Variants in TNRC6B observed in about 807,000 individuals in gnomAD.
TNRC6B encodes the protein trinucleotide repeat containing adaptor 6B.
In TNRC6B, 52 loss-of-function variants were observed where a neutral mutation model predicts 203.6. That is an observed-to-expected ratio of 0.26 (90% CI 0.20 to 0.32). TNRC6B has a LOEUF of 0.32. TNRC6B is among the 10% of genes least tolerant of loss of function. The pLI is 1.00. For synonymous variants in TNRC6B, 838 were observed against 845.7 expected (o/e 0.99, Z 0.16); for missense variants, 1,923 against 2,286.2 (o/e 0.84, Z 3.24).
At chr22:40,118,048 G>A (rs966892795) in intron 2 of TNRC6B, among the ~76,000 whole-genome samples, 1 of 152,122 alleles carries the variant, frequency 6.6e-6, no homozygotes, top group Non-Finnish European at 1.5e-5. Flanking sequence ...GATAGGACTT[G>A]CTAATATGAG....
chr22:40,156,236 T>C, intron 4 of TNRC6B: 1 of 1,504,588 alleles, frequency 6.6e-7, no homozygotes, highest in Non-Finnish European at 9.1e-7. Flanking sequence ...GGAAACACTT[T>C]GGTTCAACAT....
At chr22:40,220,984 T>C (rs1388217305) in intron 1 of TNRC6B, among the ~76,000 whole-genome samples, 1 of 152,182 alleles carries the variant, frequency 6.6e-6, no homozygotes, top group East Asian at 1.9e-4. Context: ...CCGCCTCACA[T>C]GCCTTTAGCC....
intron 1 of TNRC6B, among the ~76,000 whole-genome samples, chr22:40,245,610 A>G: frequency 6.6e-6 from 1 of 152,158 alleles, no homozygotes; most frequent in East Asian, 1.9e-4. Context: ...ATGTACCATA[A>G]TTGAGTTAAT....
At chr22:40,142,819 T>C (rs2068656542) in intron 3 of TNRC6B, among the ~76,000 whole-genome samples, 1 of 152,168 alleles carries the variant, frequency 6.6e-6, no homozygotes, top group Admixed American at 6.5e-5. Context: ...AAAAAAATTA[T>C]CCAAAGACTA....
chr22:40,241,999 A>G (rs772312371), intron 1 of TNRC6B, among the ~76,000 whole-genome samples: 113 of 152,328 alleles, frequency 7.4e-4, no homozygotes, highest in Admixed American at 6.5e-4. Flanking sequence ...TGGCAAATGT[A>G]CATTCCAGGT....
chr22:40,288,839 C>CTTTT (rs1224962691), intron 12 of TNRC6B, among the ~76,000 whole-genome samples: 2 of 105,104 alleles, frequency 1.9e-5, no homozygotes, highest in African/African-American at 3.9e-5. Flanking sequence ...CTGTGCCCAG[C>CTTTT]TTTTTTTTTT....
intron 1 of TNRC6B, among the ~76,000 whole-genome samples, chr22:40,195,510 T>C (rs553191563): frequency 3.3e-5 from 5 of 152,194 alleles, no homozygotes; most frequent in Admixed American, 6.5e-5. Context: ...TCACCCAGGC[T>C]GGAGTGCAAT....
At chr22:40,153,357 G>A (rs2068777371) in intron 3 of TNRC6B, among the ~76,000 whole-genome samples, 1 of 152,104 alleles carries the variant, frequency 6.6e-6, no homozygotes. Flanking sequence ...TCCCTAGCGA[G>A]ATGTCAGCGA....
intron 3 of TNRC6B, among the ~76,000 whole-genome samples, chr22:40,128,393 A>G (rs1356999220): frequency 6.6e-6 from 1 of 152,228 alleles, no homozygotes; most frequent in Admixed American, 6.5e-5. Context: ...TGTTAACAGA[A>G]GGCCATTAGG....
chr22:40,286,217 A>T (rs1411450474), intron 12 of TNRC6B, among the ~76,000 whole-genome samples: 2 of 152,228 alleles, frequency 1.3e-5, no homozygotes, highest in Non-Finnish European at 2.9e-5. Flanking sequence ...CATGCCTGTA[A>T]TCCCAGCACT....
Position 40,083,749 on chromosome 22 carries a change from G to A in TNRC6B, c.-120-33306G>A, listed in dbSNP as rs1310551706. ...AGAAAGGAGGAGGGCCACTTCTGTT[G>A]AAATAGGGGAAAGAGGGGAAAATTG... On this transcript the variant is annotated intron_variant, in intron 1 of 23. Transcript: ENST00000301923. Among the ~76,000 whole-genome samples the A allele has an allele frequency of 2.0e-5, 3 of 152,114 alleles. No homozygotes were observed. The East Asian group carries it at 5.8e-4, about 29-fold the overall frequency.
chr22:40,265,262 G>A lies in TNRC6B; in HGVS notation c.1032G>A (p.Arg344=), dbSNP rs2070459571. The A allele has an allele frequency of 3.1e-6, 5 of 1,613,832 alleles. No homozygotes were observed. The African/African-American group carries it at 4.0e-5, about 13-fold the overall frequency. Residue 344 remains arginine, a synonymous_variant, in exon 5 of 23, where the codon AGG becomes AGA. Coordinates refer to ENST00000454349, the MANE Select transcript of TNRC6B (RefSeq NM_001162501.2). Reference sequence around the variant, plus strand: ...TTAGCACAGTAGGTCAGACATCCAGGGAACAGCAGTCAAAGATGGAAAATG... The same window carrying A: ...TTAGCACAGTAGGTCAGACATCCAGAGAACAGCAGTCAAAGATGGAAAATG... ...AQVSTVGQTS[R]EQQSKMENAG...
chr22:40,174,803 C>T (rs80212033), upstream of TNRC6B, among the ~76,000 whole-genome samples: 36 of 143,416 alleles, frequency 2.5e-4, no homozygotes, highest in East Asian at 4.7e-3. Context: ...CTAGCCTGGG[C>T]GACAAAGCGA....
At chr22:40,104,461 T>C (rs1267415551) in intron 1 of TNRC6B, among the ~76,000 whole-genome samples, 5 of 152,194 alleles carry the variant, frequency 3.3e-5, no homozygotes, top group African/African-American at 9.7e-5. Context: ...ACCAAAGGAC[T>C]ACTTCTGTAT....
chr22:40,199,723 A>G (rs2069385187), intron 1 of TNRC6B, among the ~76,000 whole-genome samples: 1 of 151,842 alleles, frequency 6.6e-6, no homozygotes, highest in African/African-American at 2.4e-5. Flanking sequence ...AATGATAGAA[A>G]TGTATCAGCG....
In TNRC6B at chr22:40,051,962, C is replaced by T. The variant is rs1197154884; in HGVS notation, c.-121+6964C>T. ...TAGACATCTCAGTTCAGAGTAACCACATTTCAAGTGCTCAGTAGCCACATG... is the reference window on the plus strand; with the variant it reads ...TAGACATCTCAGTTCAGAGTAACCATATTTCAAGTGCTCAGTAGCCACATG... On this transcript the variant is annotated intron_variant, in intron 1 of 23. Transcript: ENST00000301923. 2.6e-5 allele frequency among the ~76,000 whole-genome samples: 4 copies of T among 152,208 alleles called. No individual in the cohort carries two copies. The East Asian group carries it at 7.7e-4, about 29-fold the overall frequency.
chr22:40,060,120 G>A (rs948603078), intron 1 of TNRC6B, among the ~76,000 whole-genome samples: 4 of 148,472 alleles, frequency 2.7e-5, no homozygotes, highest in African/African-American at 1.0e-4. Context: ...GTGAGGCACT[G>A]TGCCCGGCCA....
chr22:40,102,246 T>C (rs1470373863), intron 1 of TNRC6B, among the ~76,000 whole-genome samples: 4 of 152,218 alleles, frequency 2.6e-5, no homozygotes, highest in African/African-American at 9.7e-5. Context: ...CAGATACTCA[T>C]GTTTGCAATT....
chr22:40,159,165 G>A (rs1381136082), intron 4 of TNRC6B, among the ~76,000 whole-genome samples: 18 of 151,394 alleles, frequency 1.2e-4, no homozygotes, highest in African/African-American at 4.1e-4. Flanking sequence ...GGGTTTCACC[G>A]TGTTAGCCAG....
Sources: gnomAD v4.1 joint callset for allele counts (sites outside exome capture counted in the v4.1 genomes callset) on GRCh38, gnomAD v4.1.1 for gene constraint, MANE v1.5 for transcripts, NCBI Gene and HGNC (gene_info 2026-07-23, HGNC 2026-07-21) for gene names.